MARCHF1: variants seen among roughly 807,000 people sequenced by gnomAD.
MARCHF1 encodes the protein E3 ubiquitin-protein ligase MARCHF1.
In MARCHF1, 40 loss-of-function variants were observed where a neutral mutation model predicts 54.2. The ratio of observed to expected loss-of-function variants is 0.74; its 90% CI spans 0.57 to 0.96. The LOEUF is 0.96. Among genes scored for constraint, MARCHF1 ranks in the 40% least tolerant of loss-of-function variants. MARCHF1 has a pLI of 0.00. For synonymous variants in MARCHF1, 236 were observed against 236.3 expected (o/e 1.00, Z 0.01); for missense variants, 586 against 656.5 (o/e 0.89, Z 1.17).
At chr4:164,209,195 G>A (rs982193126) in intron 1 of MARCHF1, among the ~76,000 whole-genome samples, 1 of 151,992 alleles carries the variant, frequency 6.6e-6, no homozygotes, top group African/African-American at 2.4e-5. Flanking sequence ...TAACATATTA[G>A]TTTCTCTGCT....
intron 4 of MARCHF1, among the ~76,000 whole-genome samples, chr4:163,763,838 G>A (rs1746900236): frequency 6.6e-6 from 1 of 152,102 alleles, no homozygotes; most frequent in East Asian, 1.9e-4. Context: ...TGTGTATTAA[G>A]TAAATAGGTA....
chr4:163,690,040 G>T (rs1744396242), intron 5 of MARCHF1, among the ~76,000 whole-genome samples: 1 of 152,080 alleles, frequency 6.6e-6, no homozygotes, highest in South Asian at 2.1e-4. Flanking sequence ...CCTGTACTTG[G>T]CTGGGGATTG....
intron 8 of MARCHF1, among the ~76,000 whole-genome samples, chr4:163,572,597 CT>C (rs1461064632): frequency 6.6e-6 from 1 of 152,060 alleles, no homozygotes; most frequent in African/African-American, 2.4e-5. Context: ...TTTTAAAATA[CT>C]TATCATTCCC....
chr4:164,161,424 C>A (rs1014231316), intron 1 of MARCHF1, among the ~76,000 whole-genome samples: 1 of 152,092 alleles, frequency 6.6e-6, no homozygotes, highest in Non-Finnish European at 1.5e-5. Flanking sequence ...ATAAAGTACC[C>A]AGCCTCAAGT....
intron 2 of MARCHF1, among the ~76,000 whole-genome samples, chr4:164,100,077 A>G (rs1384513966): frequency 6.6e-6 from 1 of 152,178 alleles, no homozygotes; most frequent in African/African-American, 2.4e-5. Flanking sequence ...CCTTTTAAAG[A>G]CTTCTAATTT....
At chr4:163,965,952 A>T (rs1752435351) in intron 3 of MARCHF1, among the ~76,000 whole-genome samples, 1 of 152,110 alleles carries the variant, frequency 6.6e-6, no homozygotes, top group African/African-American at 2.4e-5. Flanking sequence ...AGTGAAATTT[A>T]TGATATACCC....
At chr4:163,972,135 G>A (rs1446364211) in intron 3 of MARCHF1, among the ~76,000 whole-genome samples, 1 of 152,106 alleles carries the variant, frequency 6.6e-6, no homozygotes, top group African/African-American at 2.4e-5. Context: ...ACTCATAAAT[G>A]GGAGTCGAAC....
At chr4:164,237,186 A>G (rs1732586233) in intron 1 of MARCHF1, among the ~76,000 whole-genome samples, 1 of 152,078 alleles carries the variant, frequency 6.6e-6, no homozygotes, top group Admixed American at 6.6e-5. Flanking sequence ...ACATAATTTT[A>G]TTTCCCTATC....
intron 2 of MARCHF1, among the ~76,000 whole-genome samples, chr4:164,037,266 G>A (rs1754025609): frequency 6.6e-6 from 1 of 152,152 alleles, no homozygotes; most frequent in Admixed American, 6.5e-5. Context: ...ATTTGGAGAT[G>A]TTGGCATATA....
chr4:163,862,570 T>A (rs899031800), intron 3 of MARCHF1, among the ~76,000 whole-genome samples: 1 of 152,038 alleles, frequency 6.6e-6, no homozygotes, highest in Non-Finnish European at 1.5e-5. Flanking sequence ...CTGACAAGGA[T>A]GCCAAGCAAC....
At chr4:164,295,474 C>T (rs139381176) in intron 1 of MARCHF1, among the ~76,000 whole-genome samples, 6 of 152,138 alleles carry the variant, frequency 3.9e-5, no homozygotes, top group Admixed American at 3.9e-4. Context: ...ACACAACATA[C>T]ACTCTGACTA....
At chr4:163,867,072 G>A (rs926658485) in intron 3 of MARCHF1, among the ~76,000 whole-genome samples, 2 of 151,804 alleles carry the variant, frequency 1.3e-5, no homozygotes, top group Middle Eastern at 3.2e-3. Flanking sequence ...AGATTAGGGT[G>A]ATATCACATG....
intron 4 of MARCHF1, among the ~76,000 whole-genome samples, chr4:163,831,210 A>T (rs17577747): frequency 0.26 from 39,060 of 152,028 alleles, 6,360 homozygotes; most frequent in Non-Finnish European, 0.37. Flanking sequence ...GATGCCTCTG[A>T]ACTGAATTTT....
intron 5 of MARCHF1, among the ~76,000 whole-genome samples, chr4:163,677,847 T>C (rs2111153296): frequency 6.6e-6 from 1 of 152,360 alleles, no homozygotes; most frequent in East Asian, 1.9e-4. Flanking sequence ...GATGTAGCTT[T>C]GGAATCCCAG....
chr4:163,988,764 T>C (rs529485967), intron 2 of MARCHF1, 55 bp from the exon 3 acceptor site: 1 of 152,018 alleles, frequency 6.6e-6, no homozygotes, highest in South Asian at 2.1e-4. Flanking sequence ...GAGGCCAGAG[T>C]CTTCTGGTCA....
chr4:164,166,526 C>T (rs1730385647), intron 1 of MARCHF1, among the ~76,000 whole-genome samples: 1 of 151,846 alleles, frequency 6.6e-6, no homozygotes, highest in African/African-American at 2.4e-5. Flanking sequence ...TTATTAAAAT[C>T]CCACAATTAA....
At chr4:163,531,660 AATGAT>A (rs1162959222) in intron 9 of MARCHF1, among the ~76,000 whole-genome samples, 2 of 151,960 alleles carry the variant, frequency 1.3e-5, no homozygotes, top group Non-Finnish European at 2.9e-5. Context: ...TTTGTTCACA[AATGAT>A]ATGATTATGT....
At chr4:164,113,065 C>T (rs74645259) in intron 1 of MARCHF1, among the ~76,000 whole-genome samples, 10 of 151,524 alleles carry the variant, frequency 6.6e-5, no homozygotes, top group Non-Finnish European at 1.5e-4. Context: ...TGTCTTCCAG[C>T]TTTAACTGTG....
At chr4:164,101,259 C>T (rs1056791352) in intron 2 of MARCHF1, among the ~76,000 whole-genome samples, 5 of 152,116 alleles carry the variant, frequency 3.3e-5, no homozygotes. Context: ...GTGGATCCCA[C>T]CACAGCTCAA....
Sources: allele counts gnomAD v4.1 joint callset (sites outside exome capture counted in the v4.1 genomes callset), GRCh38; gene constraint gnomAD v4.1.1; transcripts MANE v1.5; gene names NCBI Gene and HGNC (gene_info 2026-07-23, HGNC 2026-07-21).